The following ERC1 variants were observed in gnomAD, a reference collection of about 807,000 sequenced individuals.
ERC1 encodes RAB6 interacting protein 2.
A neutral mutation model predicts 132.0 loss-of-function variants in ERC1; 56 were observed. The ratio of observed to expected loss-of-function variants is 0.42; its 90% CI spans 0.34 to 0.53. The LOEUF (loss-of-function observed/expected upper bound fraction) is 0.53. Among genes scored for constraint, ERC1 ranks in the 20% least tolerant of loss-of-function variants. The pLI is 0.03. For synonymous variants in ERC1, 478 were observed against 476.1 expected (o/e 1.00, Z -0.05); for missense variants, 1,202 against 1,349.9 (o/e 0.89, Z 1.72).
chr12:1,067,926 CT>C (rs71441641), intron 2 of ERC1, among the ~76,000 whole-genome samples: 42,536 of 120,598 alleles, frequency 0.35, 7,251 homozygotes, highest in African/African-American at 0.46. Context: ...TTAGCCACTG[CT>C]TTTTTTTTTT....
chr12:1,429,446 A>G (rs760653281), intron 17 of ERC1, among the ~76,000 whole-genome samples: 2 of 152,190 alleles, frequency 1.3e-5, no homozygotes, highest in African/African-American at 2.4e-5. Context: ...CTCCTTTATC[A>G]TTTACATCTG....
chr12:1,247,944 C>T (rs1488305641), intron 13 of ERC1, among the ~76,000 whole-genome samples: 1 of 152,016 alleles, frequency 6.6e-6, no homozygotes, highest in Non-Finnish European at 1.5e-5. Context: ...TGCGGTGAGC[C>T]GAGATCATGC....
At chr12:1,435,490 G>A (rs1368754446) in intron 17 of ERC1, among the ~76,000 whole-genome samples, 3 of 152,088 alleles carry the variant, frequency 2.0e-5, no homozygotes, top group Non-Finnish European at 4.4e-5. Flanking sequence ...AAGAAGCTAG[G>A]GAGGCACCCT....
intron 13 of ERC1, among the ~76,000 whole-genome samples, chr12:1,252,470 A>T (rs1451256433): frequency 1.3e-5 from 2 of 152,158 alleles, no homozygotes; most frequent in Non-Finnish European, 1.5e-5. Flanking sequence ...CAAGTTTCTC[A>T]TACTCAGCTA....
At chr12:1,435,875 T>G (rs1322692144) in intron 17 of ERC1, among the ~76,000 whole-genome samples, 2 of 152,162 alleles carry the variant, frequency 1.3e-5, no homozygotes, top group Non-Finnish European at 2.9e-5. Context: ...ATTTATAGTT[T>G]CTCTTGGATT....
chr12:1,254,895 C>T (rs1454919792), intron 13 of ERC1, among the ~76,000 whole-genome samples: 1 of 151,812 alleles, frequency 6.6e-6, no homozygotes, highest in Non-Finnish European at 1.5e-5. Flanking sequence ...ACATATCCAT[C>T]ACCTCACATA....
chr12:1,303,562 C>T (rs561634504), intron 15 of ERC1, among the ~76,000 whole-genome samples: 47 of 151,982 alleles, frequency 3.1e-4, no homozygotes, highest in African/African-American at 1.1e-3. Context: ...TGGCATGAAC[C>T]CAGGAGGCGG....
At chr12:1,105,568 A>G (rs1362638802) in intron 4 of ERC1, among the ~76,000 whole-genome samples, 1 of 152,088 alleles carries the variant, frequency 6.6e-6, no homozygotes, top group Non-Finnish European at 1.5e-5. Flanking sequence ...CGTGTTAGCC[A>G]GGATGGTCTC....
At chr12:1,379,561 CTA>C (rs764442702) in intron 16 of ERC1, among the ~76,000 whole-genome samples, 1 of 152,134 alleles carries the variant, frequency 6.6e-6, no homozygotes, top group Non-Finnish European at 1.5e-5. Flanking sequence ...ATGCCAAAAT[CTA>C]TTAGTTATCT....
At chr12:1,283,434 T>G (rs1237707807) in intron 14 of ERC1, among the ~76,000 whole-genome samples, 2 of 152,230 alleles carry the variant, frequency 1.3e-5, no homozygotes, top group Non-Finnish European at 2.9e-5. Context: ...GTACAACTGC[T>G]CAGTGGTAGG....
chr12:1,284,343 T>TG (rs778023481), intron 14 of ERC1, among the ~76,000 whole-genome samples: 42 of 150,874 alleles, frequency 2.8e-4, no homozygotes, highest in Non-Finnish European at 5.8e-4. Context: ...CATCCACTGA[T>TG]GGACACTTAG....
chr12:1,006,763 A>T (rs982916717), intron 1 of ERC1, among the ~76,000 whole-genome samples: 1 of 151,856 alleles, frequency 6.6e-6, no homozygotes. Context: ...GCCTCAAGTG[A>T]TCTTCTGTCT....
intron 1 of ERC1, among the ~76,000 whole-genome samples, chr12:1,009,286 T>G (rs1299700740): frequency 1.3e-5 from 2 of 151,994 alleles, no homozygotes; most frequent in African/African-American, 2.4e-5. Context: ...GCCATTCTCC[T>G]GCCTCAGCCT....
At chr12:1,343,864 G>A (rs61913098) in intron 15 of ERC1, among the ~76,000 whole-genome samples, 33,545 of 149,730 alleles carry the variant, frequency 0.22, 3,918 homozygotes, top group Non-Finnish European at 0.24. Context: ...TTTTTTTTAA[G>A]ACAGTCTTGC....
chr12:1,311,383 G>GCCTTAGTTGATTAGAGGTATGAGATCAT (rs2081292406), intron 15 of ERC1, among the ~76,000 whole-genome samples: 1 of 152,182 alleles, frequency 6.6e-6, no homozygotes, highest in Non-Finnish European at 1.5e-5. Context: ...TATGAGATCA[G>GCCTTAGTTGATTAGAGGTATGAGATCAT]CCTTAGTTGA....
At chr12:1,005,961 C>CT (rs10627402) in intron 1 of ERC1, among the ~76,000 whole-genome samples, 12,785 of 142,278 alleles carry the variant, frequency 0.09, 823 homozygotes, top group African/African-American at 0.18. Flanking sequence ...ATTCTTATTA[C>CT]TTTTTTTTTT....
At position 1,281,064 on chromosome 12, in the gene ERC1, G is replaced by A. The variant is rs1038087109; in HGVS notation, c.2620-8788G>A. ...AGAATTAAAATTTCCAGTTAAAATG[G>A]CAGTGAACTTTTATTTTTGTTAAAA... On this transcript the variant is annotated intron_variant, in intron 14 of 18. Coordinates refer to ENST00000360905, the MANE Select transcript of ERC1 (RefSeq NM_178040.4). Among the ~76,000 whole-genome samples, 7 of 152,104 alleles carry A rather than the reference G, an allele frequency of 4.6e-5. No homozygotes were observed. In the East Asian group the frequency reaches 1.2e-3, roughly 25 times the overall value.
chr12:1,470,643 C>G (rs2093842519), intron 18 of ERC1, among the ~76,000 whole-genome samples: 1 of 152,090 alleles, frequency 6.6e-6, no homozygotes, highest in Non-Finnish European at 1.5e-5. Context: ...ATTTGAACGT[C>G]TCTGTTCACT....
chr12:1,255,934 G>A (rs1180690751), intron 13 of ERC1, among the ~76,000 whole-genome samples: 1 of 151,740 alleles, frequency 6.6e-6, no homozygotes, highest in South Asian at 2.1e-4. Flanking sequence ...TTTAATGATC[G>A]CCATTCTAAC....
Sources: gnomAD v4.1 joint callset for allele counts (sites outside exome capture counted in the v4.1 genomes callset) on GRCh38, gnomAD v4.1.1 for gene constraint, MANE v1.5 for transcripts, NCBI Gene and HGNC (gene_info 2026-07-23, HGNC 2026-07-21) for gene names.